Variants in ERBB4 observed in about 807,000 individuals in gnomAD.
The protein encoded by ERBB4 is receptor tyrosine-protein kinase erbB-4.
ERBB4 carries 42 observed loss-of-function variants against 158.0 expected under a neutral mutation model. That is an observed-to-expected ratio of 0.27 (90% confidence interval 0.21 to 0.34). ERBB4 has a LOEUF of 0.34. Among genes scored for constraint, ERBB4 ranks in the 10% least tolerant of loss-of-function variants. The pLI, the probability that ERBB4 is intolerant of heterozygous loss-of-function variation, is 1.00. For missense variants in ERBB4, 1,333 were observed against 1,624.1 expected (o/e 0.82, Z 3.08); for synonymous variants, 583 against 558.7 (o/e 1.04, Z -0.61).
intron 2 of ERBB4, among the ~76,000 whole-genome samples, chr2:212,079,050 A>T (rs1462879083): frequency 6.6e-6 from 1 of 151,186 alleles, no homozygotes; most frequent in Non-Finnish European, 1.5e-5. Flanking sequence ...TCCATAAAGC[A>T]TAATTCACTT....
intron 1 of ERBB4, among the ~76,000 whole-genome samples, chr2:212,382,949 CTCTT>C (rs2090557769): frequency 6.6e-6 from 1 of 150,998 alleles, no homozygotes; most frequent in African/African-American, 2.4e-5. Flanking sequence ...GGTGTTATGT[CTCTT>C]TCTGTGAACA....
At chr2:212,145,774 T>C (rs1012939462) in intron 1 of ERBB4, among the ~76,000 whole-genome samples, 7 of 150,134 alleles carry the variant, frequency 4.7e-5, no homozygotes, top group Non-Finnish European at 7.4e-5. Context: ...CATTCTGTTG[T>C]ACTTTCTCAT....
intron 2 of ERBB4, among the ~76,000 whole-genome samples, chr2:211,966,578 ATC>A (rs1297401338): frequency 6.6e-6 from 1 of 152,164 alleles, no homozygotes; most frequent in Admixed American, 6.6e-5. Context: ...AAGATTAACT[ATC>A]TCTCTTAGCA....
intron 15 of ERBB4, among the ~76,000 whole-genome samples, chr2:211,664,856 T>C (rs1318769246): frequency 1.3e-5 from 2 of 152,190 alleles, no homozygotes; most frequent in Non-Finnish European, 2.9e-5. Context: ...GTTACCTTTG[T>C]TCATATTTTT....
At chr2:212,437,273 C>T (rs1452140892) in intron 1 of ERBB4, among the ~76,000 whole-genome samples, 1 of 151,954 alleles carries the variant, frequency 6.6e-6, no homozygotes. Flanking sequence ...TTCCAGCTCT[C>T]TGGGATACAA....
At chr2:212,346,914 T>C (rs969228627) in intron 1 of ERBB4, among the ~76,000 whole-genome samples, 1 of 152,130 alleles carries the variant, frequency 6.6e-6, no homozygotes, top group Non-Finnish European at 1.5e-5. Context: ...AAAATAAATA[T>C]TTTTCTAGGC....
chr2:211,850,567 T>C (rs1187379432), intron 3 of ERBB4, among the ~76,000 whole-genome samples: 3 of 151,820 alleles, frequency 2.0e-5, no homozygotes, highest in African/African-American at 7.3e-5. Flanking sequence ...AGATGCCTAG[T>C]TGGGATAACT....
chr2:212,470,296 C>T (rs1394104335), intron 1 of ERBB4, among the ~76,000 whole-genome samples: 1 of 152,042 alleles, frequency 6.6e-6, no homozygotes, highest in Non-Finnish European at 1.5e-5. Flanking sequence ...TGCTTCTTCA[C>T]CCAGTAACTG....
chr2:211,440,439 C>A (rs2063948697), intron 20 of ERBB4, among the ~76,000 whole-genome samples: 1 of 152,126 alleles, frequency 6.6e-6, no homozygotes, highest in South Asian at 2.1e-4. Context: ...AGAAGCTGAG[C>A]CTTTCTCTGA....
At chr2:211,955,703 A>G (rs1314460501) in intron 2 of ERBB4, among the ~76,000 whole-genome samples, 2 of 152,100 alleles carry the variant, frequency 1.3e-5, no homozygotes, top group Non-Finnish European at 2.9e-5. Flanking sequence ...AACTGATCAC[A>G]CTATGTCCAA....
At chr2:212,442,407 C>T (rs1253218970) in intron 1 of ERBB4, among the ~76,000 whole-genome samples, 1 of 152,070 alleles carries the variant, frequency 6.6e-6, no homozygotes, top group African/African-American at 2.4e-5. Context: ...CATCTTTCTC[C>T]CATCCTTCCC....
At chr2:211,923,644 A>G (rs1024093323) in intron 3 of ERBB4, among the ~76,000 whole-genome samples, 1 of 152,180 alleles carries the variant, frequency 6.6e-6, no homozygotes, top group African/African-American at 2.4e-5. Flanking sequence ...GAAGTGGTGT[A>G]CAGAGATGCA....
intron 1 of ERBB4, among the ~76,000 whole-genome samples, chr2:212,396,807 G>C (rs1478718448): frequency 6.6e-6 from 1 of 151,952 alleles, no homozygotes; most frequent in African/African-American, 2.4e-5. Context: ...ATCTCTAATT[G>C]TGATTTTTAC....
At chr2:212,346,756 T>C (rs917419005) in intron 1 of ERBB4, among the ~76,000 whole-genome samples, 1 of 152,128 alleles carries the variant, frequency 6.6e-6, no homozygotes, top group Non-Finnish European at 1.5e-5. Flanking sequence ...GTTGAAACTT[T>C]AATGCACAGG....
intron 7 of ERBB4, among the ~76,000 whole-genome samples, chr2:211,714,533 T>C (rs1306612853): frequency 6.6e-6 from 1 of 152,222 alleles, no homozygotes; most frequent in African/African-American, 2.4e-5. Flanking sequence ...TCTATGATAT[T>C]GGAAGCATCT....
intron 20 of ERBB4, among the ~76,000 whole-genome samples, chr2:211,482,527 G>A (rs1241183930): frequency 6.6e-6 from 1 of 152,148 alleles, no homozygotes; most frequent in African/African-American, 2.4e-5. Flanking sequence ...CTTTCAACAA[G>A]TCAAAATTCA....
chr2:211,398,477 T>C (rs1384902788), intron 25 of ERBB4, among the ~76,000 whole-genome samples: 1 of 152,140 alleles, frequency 6.6e-6, no homozygotes, highest in Admixed American at 6.6e-5. Context: ...AACAACCTTC[T>C]AGCTGTTCTC....
chr2:212,172,980 C>T (rs1354760537), intron 1 of ERBB4, among the ~76,000 whole-genome samples: 1 of 151,896 alleles, frequency 6.6e-6, no homozygotes, highest in Non-Finnish European at 1.5e-5. Flanking sequence ...AAAAATAGGT[C>T]TATAGTTACT....
chr2:212,052,222 C>T (rs565739443), intron 2 of ERBB4, among the ~76,000 whole-genome samples: 45 of 152,188 alleles, frequency 3.0e-4, no homozygotes, highest in Middle Eastern at 3.2e-3. Context: ...TTCCTGCCCT[C>T]AAACATCAGA....
Sources: gnomAD v4.1 joint callset for allele counts (sites outside exome capture counted in the v4.1 genomes callset) on GRCh38, gnomAD v4.1.1 for gene constraint, MANE v1.5 for transcripts, NCBI Gene and HGNC (gene_info 2026-07-23, HGNC 2026-07-21) for gene names.